The following ANGPT2 variants were observed in gnomAD, a reference collection of about 807,000 sequenced individuals.
ANGPT2 encodes angiopoietin 2.
ANGPT2 carries 28 observed loss-of-function variants against 62.9 expected under a neutral mutation model. That is an observed-to-expected ratio of 0.44 (90% CI 0.33 to 0.61). The LOEUF is 0.61. Among genes scored for constraint, ANGPT2 ranks in the 20% least tolerant of loss-of-function variants. ANGPT2 has a pLI of 0.03. For synonymous variants in ANGPT2, 284 were observed against 207.8 expected, an observed-to-expected ratio of 1.37 and a Z score of -3.15; for missense variants, 727 against 594.9, an observed-to-expected ratio of 1.22 and a Z score of -2.31.
chr8:6,555,714 C>T (rs1032238759), intron 1 of ANGPT2, among the ~76,000 whole-genome samples: 6 of 152,128 alleles, frequency 3.9e-5, no homozygotes, highest in South Asian at 4.1e-4. Flanking sequence ...CCACCCGCTT[C>T]GGCCTCCGAA....
intron 1 of ANGPT2, among the ~76,000 whole-genome samples, chr8:6,550,553 C>G (rs1397453505): frequency 1.3e-5 from 2 of 152,224 alleles, no homozygotes; most frequent in African/African-American, 4.8e-5. Context: ...TTTGTTCCCA[C>G]TCGGGGTGAG....
At chr8:6,504,147 T>C (rs1007133895) in intron 8 of ANGPT2, among the ~76,000 whole-genome samples, 12 of 151,384 alleles carry the variant, frequency 7.9e-5, no homozygotes, top group African/African-American at 2.7e-4. Context: ...TGAAACCCCG[T>C]CTCTACTAAA....
intron 2 of ANGPT2, among the ~76,000 whole-genome samples, chr8:6,531,661 G>C (rs1189488778): frequency 6.6e-6 from 1 of 152,198 alleles, no homozygotes; most frequent in Non-Finnish European, 1.5e-5. Context: ...ACAGTGGAAA[G>C]AGAACTTAGC....
intron 1 of ANGPT2, among the ~76,000 whole-genome samples, chr8:6,541,664 C>T (rs1247087434): frequency 6.6e-6 from 1 of 152,116 alleles, no homozygotes; most frequent in African/African-American, 2.4e-5. Context: ...GATGTTTTCC[C>T]TACAGAGATA....
Position 6,523,508 on chromosome 8 carries a change from C to G in ANGPT2, c.567-2098G>C, listed in dbSNP as rs1211526663. ...GGAAACAAATCCAAGAGAGTAGAGA[C>G]TATGTATTTGAGAATGTTAACTGTT... On this transcript the variant is annotated intron_variant, in intron 3 of 8. Transcript: ENST00000629816. 3.3e-5 allele frequency among the ~76,000 whole-genome samples: 5 copies of G among 152,200 alleles called. No individual in the cohort carries two copies. In the South Asian group the frequency reaches 1.0e-3, roughly 32 times the overall value.
intron 1 of ANGPT2, among the ~76,000 whole-genome samples, chr8:6,547,392 G>T (rs1448219562): frequency 2.6e-5 from 4 of 151,958 alleles, no homozygotes; most frequent in Admixed American, 6.6e-5. Flanking sequence ...CTCTTGCAAT[G>T]GAAGCTAGTG....
intron 4 of ANGPT2, among the ~76,000 whole-genome samples, chr8:6,520,828 G>A (rs1817186075): frequency 6.6e-6 from 1 of 152,156 alleles, no homozygotes; most frequent in Admixed American, 6.5e-5. Context: ...TAATCTTAAT[G>A]GCCATCCCAT....
At chr8:6,522,210 C>A (rs1817488746) in intron 3 of ANGPT2, among the ~76,000 whole-genome samples, 1 of 152,058 alleles carries the variant, frequency 6.6e-6, no homozygotes. Flanking sequence ...AAAAAATTCT[C>A]CAGGCGTGGT....
chr8:6,557,712 C>CACACACACAT (rs1554452302), intron 1 of ANGPT2, among the ~76,000 whole-genome samples: 1 of 150,550 alleles, frequency 6.6e-6, no homozygotes, highest in African/African-American at 2.5e-5. Flanking sequence ...CACACACACA[C>CACACACACAT]ACATACATAT....
intron 7 of ANGPT2, among the ~76,000 whole-genome samples, chr8:6,513,375 C>T (rs1815569005): frequency 6.6e-6 from 1 of 150,720 alleles, no homozygotes; most frequent in South Asian, 2.1e-4. Context: ...CTCTGTCGCC[C>T]AGGTTGCAGT....
chr8:6,553,878 C>T (rs1156495350), intron 1 of ANGPT2, among the ~76,000 whole-genome samples: 1 of 152,136 alleles, frequency 6.6e-6, no homozygotes, highest in Non-Finnish European at 1.5e-5. Flanking sequence ...AAGACAACTT[C>T]ATGGCGTATT....
chr8:6,535,203 A>AG (rs988639067), intron 1 of ANGPT2, among the ~76,000 whole-genome samples: 3 of 152,220 alleles, frequency 2.0e-5, no homozygotes, highest in African/African-American at 7.2e-5. Context: ...ACAACCAGAG[A>AG]GGGAAAATGA....
At chr8:6,548,330 C>A (rs75678600) in intron 1 of ANGPT2, among the ~76,000 whole-genome samples, 1 of 152,156 alleles carries the variant, frequency 6.6e-6, no homozygotes, top group Non-Finnish European at 1.5e-5. Flanking sequence ...GCTGTTGGTC[C>A]CCTGCCACTT....
chr8:6,557,167 C>T (rs903951205), intron 1 of ANGPT2, among the ~76,000 whole-genome samples: 5 of 152,132 alleles, frequency 3.3e-5, no homozygotes, highest in African/African-American at 7.2e-5. Flanking sequence ...ACGGAAAATT[C>T]TGCTTTTGTC....
At chr8:6,557,688 TACAC>T (rs112788253) in intron 1 of ANGPT2, among the ~76,000 whole-genome samples, 5,256 of 148,760 alleles carry the variant, frequency 0.035, 313 homozygotes, top group African/African-American at 0.12. Context: ...TATGTGTGTG[TACAC>T]ACACACACAC....
intron 1 of ANGPT2, 34 bp from the exon 2 acceptor site, chr8:6,532,521 G>A: frequency 6.6e-7 from 1 of 1,516,392 alleles, no homozygotes; most frequent in Non-Finnish European, 8.9e-7. Context: ...GCAGTCATTA[G>A]TCAAATGACC....
rs1563305052 is a variant in ANGPT2 at position 6,505,238 on chromosome 8, G to GC, written c.1328-1978_1328-1977insG. Among the ~76,000 whole-genome samples, 2 of 5,006 alleles carry GC rather than the reference G, an allele frequency of 4.0e-4. 1 individual carries two copies. The highest frequency in any genetic ancestry group is 9.4e-4 in the Non-Finnish European group (2 of 2,138). The allele number at this position is 5,006 out of a possible 152,430, so 3.3% of individuals were successfully genotyped here. A position where few individuals can be genotyped will look rare whatever the true frequency, so the allele number is the denominator to read the frequency against. On this transcript the variant is annotated intron_variant, in intron 8 of 8. Transcript: ENST00000629816. ...ATATATATATTCTTATGTATATATA[G>GC]AATATATATTCTTTATATATGTTTT...
chr8:6,503,048 G>T lies in ANGPT2; in HGVS notation c.*53C>A. ...CGCAGCCGTGACTTTCAGTGCACTG[G>T]GCTTAAGTCTTTGAAAATAGTTCGA... On this transcript the variant is annotated 3_prime_UTR_variant, in exon 9 of 9. Transcript: ENST00000629816. 2 of 1,604,440 alleles carry T rather than the reference G, an allele frequency of 1.2e-6. No homozygotes were observed. The highest frequency in any genetic ancestry group is 1.7e-6 in the Non-Finnish European group (2 of 1,174,292).
At chr8:6,551,243 C>G (rs999793706) in intron 1 of ANGPT2, among the ~76,000 whole-genome samples, 6 of 151,338 alleles carry the variant, frequency 4.0e-5, no homozygotes, top group African/African-American at 1.5e-4. Flanking sequence ...TTTTTTTCTT[C>G]TTTCTCATGC....
Sources: allele counts gnomAD v4.1 joint callset (sites outside exome capture counted in the v4.1 genomes callset), GRCh38; gene constraint gnomAD v4.1.1; transcripts MANE v1.5; gene names NCBI Gene and HGNC (gene_info 2026-07-23, HGNC 2026-07-21).